The following NR3C2 variants were observed in gnomAD, a reference collection of about 807,000 sequenced individuals.
NR3C2 encodes mineralocorticoid receptor.
Under a neutral mutation model 86.4 loss-of-function variants are expected in NR3C2, and 15 were observed. The observed-to-expected ratio is 0.17, with a 90% CI of 0.12 to 0.27. The LOEUF (loss-of-function observed/expected upper bound fraction) is 0.27. Ranked by LOEUF, NR3C2 falls within the 10% of genes least tolerant of loss-of-function variation. The pLI, the probability that NR3C2 is intolerant of heterozygous loss-of-function variation, is 1.00. For missense variants in NR3C2, 960 were observed against 1,195.6 expected (o/e 0.80, Z 2.91); for synonymous variants, 458 against 450.5 (o/e 1.02, Z -0.21).
intron 6 of NR3C2, among the ~76,000 whole-genome samples, chr4:148,140,198 A>C (rs1011249536): frequency 2.0e-5 from 3 of 152,002 alleles, no homozygotes; most frequent in Non-Finnish European, 2.9e-5. Flanking sequence ...CATTTACCAA[A>C]TTTTCAATAA....
intron 7 of NR3C2, among the ~76,000 whole-genome samples, chr4:148,117,131 A>G (rs1732305801): frequency 6.6e-6 from 1 of 152,164 alleles, no homozygotes; most frequent in Admixed American, 6.5e-5. Context: ...TGTAAACACA[A>G]GAGCAGCGGG....
intron 2 of NR3C2, among the ~76,000 whole-genome samples, chr4:148,377,053 T>C (rs1441713382): frequency 2.0e-5 from 3 of 152,178 alleles, no homozygotes; most frequent in Non-Finnish European, 2.9e-5. Flanking sequence ...ACTACCAATA[T>C]AAAAGACAAC....
chr4:148,134,667 T>TTTTTTTTTTTTTTTTTTTC (rs1733208618), intron 6 of NR3C2, among the ~76,000 whole-genome samples: 1 of 145,398 alleles, frequency 6.9e-6, no homozygotes, highest in Non-Finnish European at 1.5e-5. Flanking sequence ...TTTTTTTTTT[T>TTTTTTTTTTTTTTTTTTTC]AGAGGGAGTC....
chr4:148,168,519 G>A (rs940975245), intron 4 of NR3C2, among the ~76,000 whole-genome samples: 1 of 152,146 alleles, frequency 6.6e-6, no homozygotes, highest in African/African-American at 2.4e-5. Context: ...GCCTGTTAGC[G>A]GTGTCAGCAC....
intron 2 of NR3C2, among the ~76,000 whole-genome samples, chr4:148,425,252 T>C (rs771641984): frequency 1.6e-4 from 24 of 152,212 alleles, no homozygotes; most frequent in East Asian, 5.8e-4. Flanking sequence ...GTTTCAGGTA[T>C]GGAAAATGTA....
chr4:148,143,603 C>T (rs893951357), intron 6 of NR3C2, among the ~76,000 whole-genome samples: 5 of 152,116 alleles, frequency 3.3e-5, no homozygotes, highest in Admixed American at 2.0e-4. Context: ...TTTCCTTCTC[C>T]CAAGAGTAGT....
intron 3 of NR3C2, among the ~76,000 whole-genome samples, chr4:148,211,511 T>C (rs1737282513): frequency 6.6e-6 from 1 of 152,176 alleles, no homozygotes; most frequent in Admixed American, 6.5e-5. Flanking sequence ...GTTGCAATTA[T>C]AAAACTGAAA....
intron 3 of NR3C2, among the ~76,000 whole-genome samples, chr4:148,223,083 C>T (rs991410944): frequency 2.0e-5 from 3 of 152,056 alleles, no homozygotes; most frequent in African/African-American, 7.2e-5. Context: ...ATTTTAAAAG[C>T]GACACAAATT....
chr4:148,405,668 C>T (rs1382400590), intron 2 of NR3C2, among the ~76,000 whole-genome samples: 1 of 152,216 alleles, frequency 6.6e-6, no homozygotes, highest in Non-Finnish European at 1.5e-5. Flanking sequence ...TTTCAAAGCA[C>T]TTTACAAAAT....
intron 2 of NR3C2, among the ~76,000 whole-genome samples, chr4:148,415,441 C>T (rs1748944865): frequency 6.6e-6 from 1 of 152,224 alleles, no homozygotes; most frequent in African/African-American, 2.4e-5. Context: ...ATTCATCATG[C>T]TTGCTTTTCA....
chr4:148,434,439 C>T (rs61759971), intron 2 of NR3C2, among the ~76,000 whole-genome samples: 27 of 152,298 alleles, frequency 1.8e-4, no homozygotes, highest in Non-Finnish European at 3.4e-4. Context: ...CAATTCAAAA[C>T]TGCAGTGACA....
chr4:148,435,967 A>C lies in NR3C2; in HGVS notation c.894T>G (p.Ser298=). ...PNNVTLRSSV[S]SPANINNSRC... ...TTGAGTTGTTAATATTTGCAGGGCT[A>C]GACACAGAGGATCTCAGAGTGACAT... is the stretch of plus-strand genomic sequence containing the variant. The change falls in exon 2 of 9, where the codon TCT becomes TCG. Residue 298 remains serine (S), a synonymous_variant. Transcript: ENST00000358102. 1 of 1,614,206 alleles carries C rather than the reference A, an allele frequency of 6.2e-7. No homozygotes were observed. The highest frequency in any genetic ancestry group is 8.5e-7 in the Non-Finnish European group (1 of 1,180,022).
chr4:148,104,541 A>G (rs1731707490), intron 8 of NR3C2, among the ~76,000 whole-genome samples: 1 of 152,090 alleles, frequency 6.6e-6, no homozygotes, highest in Non-Finnish European at 1.5e-5. Flanking sequence ...TAGCTTGGTG[A>G]GAGAGAATGT....
chr4:148,441,061 T>C (rs66515463), intron 1 of NR3C2, among the ~76,000 whole-genome samples: 3,268 of 152,304 alleles, frequency 0.021, 99 homozygotes, highest in African/African-American at 0.074. Context: ...CTCTCTTTTA[T>C]AGATGAGGTA....
chr4:148,354,222 T>C (rs545444095), intron 2 of NR3C2, among the ~76,000 whole-genome samples: 1 of 152,244 alleles, frequency 6.6e-6, no homozygotes, highest in African/African-American at 2.4e-5. Flanking sequence ...CAGTTAAGTA[T>C]ATTTCCTCTT....
intron 2 of NR3C2, among the ~76,000 whole-genome samples, chr4:148,370,490 C>T (rs778613149): frequency 1.3e-5 from 2 of 151,948 alleles, no homozygotes; most frequent in African/African-American, 2.4e-5. Context: ...ATTAGCCTTC[C>T]TACATAACTT....
At chr4:148,111,113 A>C (rs1387512140) in intron 8 of NR3C2, among the ~76,000 whole-genome samples, 1 of 152,250 alleles carries the variant, frequency 6.6e-6, no homozygotes, top group African/African-American at 2.4e-5. Context: ...AGAAAATATA[A>C]AGAACCCTCA....
At chr4:148,182,945 T>A (rs1214072718) in intron 4 of NR3C2, among the ~76,000 whole-genome samples, 1 of 152,182 alleles carries the variant, frequency 6.6e-6, no homozygotes, top group Non-Finnish European at 1.5e-5. Context: ...CATTAGGTAT[T>A]TCTCCTAATG....
chr4:148,238,778 CA>C (rs1434121863), intron 3 of NR3C2, among the ~76,000 whole-genome samples: 1 of 152,102 alleles, frequency 6.6e-6, no homozygotes, highest in Non-Finnish European at 1.5e-5. Context: ...TCTCTGCTTT[CA>C]GGGGTCTGGT....
Sources: allele counts gnomAD v4.1 joint callset (sites outside exome capture counted in the v4.1 genomes callset), GRCh38; gene constraint gnomAD v4.1.1; transcripts MANE v1.5; gene names NCBI Gene and HGNC (gene_info 2026-07-23, HGNC 2026-07-21).